Variants in SGK3 observed in about 807,000 individuals in gnomAD.
SGK3 encodes the protein serum/glucocorticoid regulated kinase family member 3.
In SGK3, 47 loss-of-function variants were observed where a neutral mutation model predicts 68.5. The observed-to-expected ratio is 0.69, with a 90% confidence interval of 0.54 to 0.87. SGK3 has a LOEUF of 0.87. SGK3 is among the 40% of genes least tolerant of loss of function. The probability of loss-of-function intolerance (pLI) is 0.00; values close to 1 mark genes in which losing one functional copy is unlikely to be tolerated. For missense variants in SGK3, 479 were observed against 575.5 expected, an observed-to-expected ratio of 0.83 and a Z score of 1.72; for synonymous variants, 181 against 189.1, an observed-to-expected ratio of 0.96 and a Z score of 0.35.
chr8:66,715,540 A>C (rs569917834), intron 1 of SGK3, among the ~76,000 whole-genome samples: 5 of 152,248 alleles, frequency 3.3e-5, no homozygotes, highest in Non-Finnish European at 7.3e-5. Context: ...GGCGTGAGCC[A>C]CCGTGCCTGG....
In SGK3 at chr8:66,859,628, G is replaced by T. The variant is rs374987304; in HGVS notation, c.*47G>T. 6.5e-7 allele frequency: 1 copy of T among 1,529,460 alleles called. No homozygotes were observed. The highest frequency in any genetic ancestry group is 8.9e-7 in the Non-Finnish European group (1 of 1,129,002). The allele number at this position is 1,529,460 out of a possible 1,614,324, so 94.7% of individuals were successfully genotyped here. On this transcript the variant is annotated 3_prime_UTR_variant, in exon 17 of 17. Coordinates refer to ENST00000521198, the MANE Select transcript of SGK3 (RefSeq NM_001033578.3). ...ATTGAGCAAAATAAGTCTATAGATG[G>T]GACTGAAACTTCTATTTGTGTGAAT... is the stretch of plus-strand genomic sequence containing the variant.
rs539106212 is a variant in SGK3 at position 66,805,900 on chromosome 8, T to C, written c.253+1453T>C. ...GATAAAAGCTCTAAGGTCCCTTATA[T>C]TGAGTGTGCTTTCTCTCTCCATCCT... On this transcript the variant is annotated intron_variant, in intron 4 of 16. Coordinates refer to ENST00000521198, the MANE Select transcript of SGK3 (RefSeq NM_001033578.3). Among the ~76,000 whole-genome samples, 143 of 152,348 alleles carry C rather than the reference T, an allele frequency of 9.4e-4. 1 individual carries two copies. Among genetic ancestry groups the C allele is most frequent in the African/African-American group, 3.4e-3 (140 of 41,590 alleles).
At chr8:66,731,756 G>A (rs1422834582) in intron 1 of SGK3, among the ~76,000 whole-genome samples, 4 of 152,090 alleles carry the variant, frequency 2.6e-5, no homozygotes, top group South Asian at 2.1e-4. Flanking sequence ...GGATGGTCTC[G>A]ATCTCCTGAC....
intron 1 of SGK3, among the ~76,000 whole-genome samples, chr8:66,774,259 A>C (rs1806610505): frequency 6.6e-6 from 1 of 152,148 alleles, no homozygotes; most frequent in South Asian, 2.1e-4. Flanking sequence ...TTTTTGTAAT[A>C]AAGGTTACCG....
At chr8:66,794,473 C>T (rs1807592472) in intron 2 of SGK3, among the ~76,000 whole-genome samples, 1 of 151,552 alleles carries the variant, frequency 6.6e-6, no homozygotes, top group Non-Finnish European at 1.5e-5. Context: ...GTGCCCTCCT[C>T]CCCCTGAAAA....
intron 4 of SGK3, among the ~76,000 whole-genome samples, chr8:66,812,900 ATATT>A (rs1808436352): frequency 6.6e-6 from 1 of 152,242 alleles, no homozygotes; most frequent in African/African-American, 2.4e-5. Context: ...TTTGTGCTTA[ATATT>A]TATTCCTAAA....
intron 7 of SGK3, among the ~76,000 whole-genome samples, chr8:66,829,291 C>G (rs1809202516): frequency 1.3e-5 from 2 of 152,116 alleles, no homozygotes; most frequent in Admixed American, 1.3e-4. Flanking sequence ...ATTATCCTTA[C>G]AGGCGTATTA....
intron 1 of SGK3, among the ~76,000 whole-genome samples, chr8:66,732,626 C>A (rs974706743): frequency 6.6e-6 from 1 of 152,184 alleles, no homozygotes; most frequent in Non-Finnish European, 1.5e-5. Flanking sequence ...GGGTGGATCA[C>A]CTGAGGTCAG....
chr8:66,757,956 TACAC>T (rs976516725), intron 1 of SGK3, among the ~76,000 whole-genome samples: 1 of 147,234 alleles, frequency 6.8e-6, no homozygotes, highest in Admixed American at 6.9e-5. Flanking sequence ...TATATATATA[TACAC>T]ACACTATATA....
At chr8:66,739,179 G>A (rs1805410817) in intron 1 of SGK3, among the ~76,000 whole-genome samples, 1 of 152,150 alleles carries the variant, frequency 6.6e-6, no homozygotes, top group Non-Finnish European at 1.5e-5. Flanking sequence ...GGAAGTTCAA[G>A]GACATGGCGC....
At chr8:66,713,740 A>G (rs1237553070) in intron 1 of SGK3, among the ~76,000 whole-genome samples, 1 of 152,184 alleles carries the variant, frequency 6.6e-6, no homozygotes, top group Non-Finnish European at 1.5e-5. Context: ...ATTAAATCAA[A>G]TTCTTAACTT....
chr8:66,783,673 A>G (rs193149442), intron 1 of SGK3, among the ~76,000 whole-genome samples: 1 of 152,208 alleles, frequency 6.6e-6, no homozygotes, highest in African/African-American at 2.4e-5. Flanking sequence ...GCATACCATC[A>G]TGCTTTGCTA....
chr8:66,780,616 G>A (rs1263001230), intron 1 of SGK3, among the ~76,000 whole-genome samples: 12 of 152,148 alleles, frequency 7.9e-5, no homozygotes, highest in African/African-American at 2.9e-4. Flanking sequence ...GGGCTTGGAA[G>A]GTGTGCGAAA....
At chr8:66,826,306 A>T (rs1001672680) in intron 6 of SGK3, among the ~76,000 whole-genome samples, 1 of 152,190 alleles carries the variant, frequency 6.6e-6, no homozygotes, top group African/African-American at 2.4e-5. Context: ...TATTGAATGG[A>T]AAATTAAACC....
intron 1 of SGK3, chr8:66,737,610 C>T (rs967280369): frequency 2.0e-5 from 3 of 152,462 alleles, no homozygotes; most frequent in African/African-American, 7.3e-5. Flanking sequence ...GACCCAGACC[C>T]CTTTATCTTT....
At chr8:66,759,577 G>T (rs1002558232) in intron 1 of SGK3, among the ~76,000 whole-genome samples, 3 of 151,976 alleles carry the variant, frequency 2.0e-5, no homozygotes, top group Non-Finnish European at 4.4e-5. Context: ...GACTACAGGG[G>T]TGCACCACCA....
intron 1 of SGK3, among the ~76,000 whole-genome samples, chr8:66,771,961 A>AAACTGCCAG (rs1806523910): frequency 6.6e-6 from 1 of 150,962 alleles, no homozygotes; most frequent in African/African-American, 2.4e-5. Flanking sequence ...GCATTTGGTT[A>AAACTGCCAG]TCATGAAGTA....
At chr8:66,828,365 G>A (rs1255615961) in intron 6 of SGK3, among the ~76,000 whole-genome samples, 1 of 152,116 alleles carries the variant, frequency 6.6e-6, no homozygotes, top group Admixed American at 6.5e-5. Flanking sequence ...CTCCTCAAAG[G>A]AGCTTTCCTC....
rs375410364 is a variant in SGK3, at chr8:66,859,532, C to G, written c.1442C>G (p.Ala481Gly). 6.2e-7 allele frequency: 1 copy of G among 1,613,384 alleles called. No individual in the cohort carries two copies. The highest frequency in any genetic ancestry group is 1.3e-5 in the African/African-American group (1 of 75,030). Residue 481 changes from alanine (A) to glycine (G), a missense_variant, in exon 17 of 17, where the codon GCA becomes GGA. This residue lies in a region of SGK3 where 173 missense variants were observed against 214.3 expected (regional missense o/e 0.81). Transcript: ENST00000521198. ...GCCAGTGTATTGGAGGCAGATGATGCATTCGTTGGTTTCTCTTATGCACCT... is the reference window on the plus strand; with the variant it reads ...GCCAGTGTATTGGAGGCAGATGATGGATTCGTTGGTTTCTCTTATGCACCT... ...VNASVLEADD[A>G]FVGFSYAPPS...
Sources: gnomAD v4.1 joint callset for allele counts (sites outside exome capture counted in the v4.1 genomes callset) on GRCh38, gnomAD v4.1.1 for gene constraint, gnomAD v4.1.1 regional missense constraint, MANE v1.5 for transcripts, NCBI Gene and HGNC (gene_info 2026-07-23, HGNC 2026-07-21) for gene names.